Variants in CPXM2 observed in about 807,000 individuals in gnomAD.
CPXM2 encodes inactive carboxypeptidase-like protein X2.
Under a neutral mutation model 86.1 loss-of-function variants are expected in CPXM2, and 66 were observed. The observed-to-expected ratio is 0.77, with a 90% CI of 0.63 to 0.94. The LOEUF (loss-of-function observed/expected upper bound fraction) is 0.94. Ranked by LOEUF, CPXM2 falls within the 40% of genes least tolerant of loss-of-function variation. CPXM2 has a pLI of 0.00. For missense variants in CPXM2, 948 were observed against 1,026.3 expected (o/e 0.92, Z 1.04); for synonymous variants, 388 against 400.2 (o/e 0.97, Z 0.36).
intron 4 of CPXM2, among the ~76,000 whole-genome samples, chr10:123,806,760 A>T (rs532433066): frequency 6.6e-6 from 1 of 152,242 alleles, no homozygotes; most frequent in Non-Finnish European, 1.5e-5. Context: ...GAGAGAGTAC[A>T]GGAGAAACTG....
chr10:123,746,636 A>G lies in CPXM2; in HGVS notation c.*128T>C, dbSNP rs554631750. ...CTTCCCTTTTGGGACCTGCCTCACA[A>G]TGCACCCTCTCTTCCAGGCACTTCT... On this transcript the variant is annotated 3_prime_UTR_variant, in exon 14 of 14. Coordinates refer to ENST00000241305, the MANE Select transcript of CPXM2 (RefSeq NM_198148.3). 1,286 of 903,386 alleles carry G rather than the reference A, an allele frequency of 1.4e-3. 4 individuals are homozygous for G. The highest frequency in any genetic ancestry group is 2.1e-3 in the Non-Finnish European group (1,214 of 591,264). 56.0% of individuals were successfully genotyped at this position (903,386 alleles called of 1,614,324 possible). A position where few individuals can be genotyped will look rare whatever the true frequency, so the allele number is the denominator to read the frequency against.
chr10:123,840,472 G>A (rs998234630), intron 4 of CPXM2, among the ~76,000 whole-genome samples: 5 of 152,152 alleles, frequency 3.3e-5, no homozygotes, highest in African/African-American at 1.2e-4. Flanking sequence ...GTATGAAAAT[G>A]TTTTCTCACA....
intron 4 of CPXM2, among the ~76,000 whole-genome samples, chr10:123,836,680 AG>A (rs578099354): frequency 1.3e-3 from 199 of 152,326 alleles, no homozygotes; most frequent in Non-Finnish European, 2.5e-3. Context: ...CTGTCTGCAG[AG>A]GACTCCACCT....
chr10:123,892,593 G>C (rs1379916133), upstream of CPXM2, among the ~76,000 whole-genome samples: 1 of 152,220 alleles, frequency 6.6e-6, no homozygotes, highest in African/African-American at 2.4e-5. Flanking sequence ...CCTTGCTGCT[G>C]TAACAAACGA....
At chr10:123,908,656 C>T (rs1411494723) in intron 2 of CPXM2, among the ~76,000 whole-genome samples, 1 of 152,076 alleles carries the variant, frequency 6.6e-6, no homozygotes, top group Non-Finnish European at 1.5e-5. Flanking sequence ...GGAATGGCTG[C>T]ACAGGGACCA....
chr10:123,880,600 C>T (rs561980612), intron 1 of CPXM2, among the ~76,000 whole-genome samples: 139 of 152,094 alleles, frequency 9.1e-4, no homozygotes, highest in Middle Eastern at 3.4e-3. Context: ...GAGGCTAAGG[C>T]GGGTGGATCA....
At chr10:123,842,573 G>A in intron 3 of CPXM2, 85 bp from the exon 4 acceptor site, 1 of 1,365,760 alleles carries the variant, frequency 7.3e-7, no homozygotes. Flanking sequence ...CTGAGAGGAA[G>A]GGAGGGAGGA....
At chr10:123,816,520 T>C (rs767703664) in intron 4 of CPXM2, among the ~76,000 whole-genome samples, 19 of 152,252 alleles carry the variant, frequency 1.2e-4, no homozygotes, top group Non-Finnish European at 2.2e-4. Context: ...ATTTGGCCTG[T>C]GCAGAAGACA....
intron 4 of CPXM2, among the ~76,000 whole-genome samples, chr10:123,828,954 A>G (rs1451351285): frequency 6.6e-6 from 1 of 152,232 alleles, no homozygotes; most frequent in Non-Finnish European, 1.5e-5. Flanking sequence ...CTGGGAGAAA[A>G]TATTTACAAA....
intron 4 of CPXM2, among the ~76,000 whole-genome samples, chr10:123,806,662 G>T (rs1419963831): frequency 6.6e-6 from 1 of 152,126 alleles, no homozygotes; most frequent in African/African-American, 2.4e-5. Flanking sequence ...TCACAGTTCT[G>T]CATGGCTGGG....
At chr10:123,784,705 G>A (rs577508382) in intron 6 of CPXM2, among the ~76,000 whole-genome samples, 2 of 152,304 alleles carry the variant, frequency 1.3e-5, no homozygotes, top group South Asian at 4.1e-4. Flanking sequence ...ACTCCCTCAC[G>A]AAGCAGCCTC....
At chr10:123,931,936 A>G (rs915876748) in intron 2 of CPXM2, among the ~76,000 whole-genome samples, 2 of 152,236 alleles carry the variant, frequency 1.3e-5, no homozygotes, top group Non-Finnish European at 2.9e-5. Context: ...AGAACTATGG[A>G]TGCTTTACTA....
chr10:123,937,520 C>T (rs538498254), intron 2 of CPXM2, among the ~76,000 whole-genome samples: 1 of 144,190 alleles, frequency 6.9e-6, no homozygotes, highest in African/African-American at 2.6e-5. Context: ...CACACACACA[C>T]TAGAATTCTG....
chr10:123,895,562 A>T (rs189181599), upstream of CPXM2, among the ~76,000 whole-genome samples: 1 of 152,308 alleles, frequency 6.6e-6, no homozygotes, highest in Admixed American at 6.5e-5. Context: ...TGCATAACTA[A>T]TCTTGCCTAG....
intron 3 of CPXM2, among the ~76,000 whole-genome samples, chr10:123,850,074 T>C (rs201279222): frequency 6.6e-6 from 1 of 152,256 alleles, no homozygotes; most frequent in Non-Finnish European, 1.5e-5. Flanking sequence ...ATATTTATTA[T>C]ATCTGGGAGA....
chr10:123,888,568 T>G (rs1590104421), intron 1 of CPXM2, among the ~76,000 whole-genome samples: 1 of 152,224 alleles, frequency 6.6e-6, no homozygotes, highest in African/African-American at 2.4e-5. Flanking sequence ...ATCAAGCCGC[T>G]ACTTAAAGTA....
intron 1 of CPXM2, among the ~76,000 whole-genome samples, chr10:123,881,232 T>TTCCCTCCCCTCCCCTCCC (rs1945085087): frequency 1.5e-5 from 1 of 64,874 alleles, no homozygotes; most frequent in African/African-American, 1.0e-4. Context: ...AGCACCCTTC[T>TTCCCTCCCCTCCCCTCCC]CTTCCCTTCC....
At chr10:123,767,358 C>A (rs1420510119) in intron 9 of CPXM2, among the ~76,000 whole-genome samples, 24 of 152,194 alleles carry the variant, frequency 1.6e-4, no homozygotes, top group Admixed American at 1.6e-3. Context: ...AGCCAAATTA[C>A]TCCAAAGAGG....
At chr10:123,938,467 G>T (rs1205373604) in intron 2 of CPXM2, among the ~76,000 whole-genome samples, 1 of 152,148 alleles carries the variant, frequency 6.6e-6, no homozygotes, top group Non-Finnish European at 1.5e-5. Context: ...TAAGAGAGGA[G>T]GAGAGTAGCT....
Sources: gnomAD v4.1 joint callset for allele counts (sites outside exome capture counted in the v4.1 genomes callset) on GRCh38, gnomAD v4.1.1 for gene constraint, MANE v1.5 for transcripts, NCBI Gene and HGNC (gene_info 2026-07-23, HGNC 2026-07-21) for gene names.